The following HS3ST5 variants were observed in gnomAD, a reference collection of about 807,000 sequenced individuals.
HS3ST5 encodes heparan sulfate glucosamine 3-O-sulfotransferase 5.
Under a neutral mutation model 25.4 loss-of-function variants are expected in HS3ST5, and 10 were observed. The observed-to-expected ratio is 0.39, with a 90% CI of 0.24 to 0.67. The LOEUF (loss-of-function observed/expected upper bound fraction) is 0.67. HS3ST5 is among the 30% of genes least tolerant of loss of function. The probability of loss-of-function intolerance (pLI) is 0.44; values close to 1 mark genes in which losing one functional copy is unlikely to be tolerated. For missense variants in HS3ST5, 324 were observed against 420.7 expected (o/e 0.77, Z 2.01); for synonymous variants, 170 against 162.4 (o/e 1.05, Z -0.36).
intron 1 of HS3ST5, among the ~76,000 whole-genome samples, chr6:114,310,536 T>C (rs539262212): frequency 1.3e-5 from 2 of 152,266 alleles, no homozygotes; most frequent in Admixed American, 1.3e-4. Context: ...GCTTTTTTTT[T>C]TTCCTGCTAG....
chr6:114,274,151 G>C (rs752319690), intron 1 of HS3ST5, among the ~76,000 whole-genome samples: 1 of 152,004 alleles, frequency 6.6e-6, no homozygotes, highest in African/African-American at 2.4e-5. Flanking sequence ...GGAGAAGACA[G>C]AGAATGCAGG....
chr6:114,129,241 C>G (rs960051768), intron 3 of HS3ST5, among the ~76,000 whole-genome samples: 4 of 144,594 alleles, frequency 2.8e-5, no homozygotes, highest in African/African-American at 1.0e-4. Context: ...CACACACCTG[C>G]AACAAGAACC....
In HS3ST5 at chr6:114,255,852, T is replaced by G. The variant is rs147636079; in HGVS notation, c.-338-27074A>C. Among the ~76,000 whole-genome samples, 467 of 152,196 alleles carry G rather than the reference T, an allele frequency of 3.1e-3. 5 individuals are homozygous for G. The highest frequency in any genetic ancestry group is 0.011 in the African/African-American group (442 of 41,546). ...ACAAAATCATTTTTTCCTCCTAGCC[T>G]CCAGGCCTGTGCTGGGAGGGGCTGC... On this transcript the variant is annotated intron_variant, in intron 1 of 4. Transcript: ENST00000312719.
intron 2 of HS3ST5, among the ~76,000 whole-genome samples, chr6:114,209,930 T>A (rs972250432): frequency 6.6e-6 from 1 of 152,190 alleles, no homozygotes; most frequent in Non-Finnish European, 1.5e-5. Flanking sequence ...AAGGTGAACT[T>A]TCAATGTATC....
intron 3 of HS3ST5, chr6:114,132,440 C>T (rs1777383898): frequency 6.6e-6 from 1 of 152,162 alleles, no homozygotes; most frequent in South Asian, 2.1e-4. Context: ...GTTTGCATAC[C>T]ATTTGGCTGG....
chr6:114,161,820 A>G (rs573744274), intron 3 of HS3ST5, among the ~76,000 whole-genome samples: 1 of 151,592 alleles, frequency 6.6e-6, no homozygotes, highest in African/African-American at 2.4e-5. Context: ...TAACGTAATT[A>G]TTATACAAAT....
At chr6:114,163,009 G>T (rs1254559747) in intron 3 of HS3ST5, among the ~76,000 whole-genome samples, 1 of 152,092 alleles carries the variant, frequency 6.6e-6, no homozygotes, top group East Asian at 1.9e-4. Flanking sequence ...CCAGCACAAC[G>T]CTATAAAAAT....
At chr6:114,339,377 ATTCAC>A (rs1198207544) in intron 1 of HS3ST5, among the ~76,000 whole-genome samples, 1 of 152,150 alleles carries the variant, frequency 6.6e-6, no homozygotes, top group Non-Finnish European at 1.5e-5. Context: ...ATCAAATAAA[ATTCAC>A]TTCAACTAAA....
At chr6:114,174,125 A>G (rs536600860) in intron 2 of HS3ST5, among the ~76,000 whole-genome samples, 1 of 151,902 alleles carries the variant, frequency 6.6e-6, no homozygotes, top group African/African-American at 2.4e-5. Flanking sequence ...TCATTCATCC[A>G]GAGCTGCTTT....
intron 1 of HS3ST5, among the ~76,000 whole-genome samples, chr6:114,239,587 G>A (rs1241531416): frequency 6.6e-6 from 1 of 152,110 alleles, no homozygotes; most frequent in African/African-American, 2.4e-5. Context: ...TTGAAACTAG[G>A]AGATGAGAAC....
In HS3ST5 at chr6:114,194,270, T is replaced by C. The variant is rs567410353; in HGVS notation, c.-144-25808A>G. Among the ~76,000 whole-genome samples, 39 of 152,262 alleles carry C rather than the reference T, an allele frequency of 2.6e-4. 1 individual carries two copies. In the South Asian group the frequency reaches 7.3e-3, roughly 28 times the overall value. On this transcript the variant is annotated intron_variant, in intron 2 of 4. Transcript: ENST00000312719. ...AAGCTAGCTCCCTTTAGCTGAATAA[T>C]ATTAAATAATTATGATCACTTCGTA...
intron 1 of HS3ST5, among the ~76,000 whole-genome samples, chr6:114,234,974 T>A (rs1399008123): frequency 1.3e-5 from 2 of 152,082 alleles, no homozygotes; most frequent in African/African-American, 4.8e-5. Flanking sequence ...AATATAAAAA[T>A]TAGCCGGGTG....
At chr6:114,211,545 A>G (rs1005062815) in intron 2 of HS3ST5, among the ~76,000 whole-genome samples, 9 of 152,198 alleles carry the variant, frequency 5.9e-5, no homozygotes, top group Non-Finnish European at 1.2e-4. Context: ...CTTTTTAGTA[A>G]CTTTAGGAAT....
At chr6:114,288,377 T>A (rs771292258) in intron 1 of HS3ST5, among the ~76,000 whole-genome samples, 15 of 152,130 alleles carry the variant, frequency 9.9e-5, no homozygotes, top group Non-Finnish European at 1.6e-4. Context: ...GATTATATTA[T>A]ATTTGGATTT....
chr6:114,079,762 A>ATTTCT (rs765701008), intron 3 of HS3ST5, among the ~76,000 whole-genome samples: 8 of 152,036 alleles, frequency 5.3e-5, no homozygotes, highest in Admixed American at 2.6e-4. Flanking sequence ...TATGAAATAT[A>ATTTCT]TTTCTTTTCT....
At chr6:114,231,721 T>C (rs2114538076) in intron 1 of HS3ST5, among the ~76,000 whole-genome samples, 1 of 150,824 alleles carries the variant, frequency 6.6e-6, no homozygotes, top group African/African-American at 2.4e-5. Flanking sequence ...ATTAGGTCAA[T>C]TGGTCTCCAC....
chr6:114,064,737 C>T (rs1408566489), intron 3 of HS3ST5, among the ~76,000 whole-genome samples: 1 of 152,162 alleles, frequency 6.6e-6, no homozygotes, highest in African/African-American at 2.4e-5. Flanking sequence ...TTAATGCATA[C>T]TTACAAATTG....
chr6:114,201,776 TCA>T lies in HS3ST5; in HGVS notation c.-145+26807_-145+26808del, dbSNP rs1192628138. Among the ~76,000 whole-genome samples the T allele has an allele frequency of 2.6e-5, 4 of 152,122 alleles. No individual in the cohort carries two copies. In the East Asian group the frequency reaches 7.7e-4, roughly 29 times the overall value. On this transcript the variant is annotated intron_variant, in intron 2 of 4. Coordinates refer to ENST00000312719, the MANE Select transcript of HS3ST5 (RefSeq NM_153612.4). Reference sequence around the variant, plus strand: ...AAGAGGTAATTTATAAAGGAAAGACTCACAGTTCAGCATGGCTGGGGAGACCT... The same window carrying T: ...AAGAGGTAATTTATAAAGGAAAGACTCAGTTCAGCATGGCTGGGGAGACCT...
intron 2 of HS3ST5, among the ~76,000 whole-genome samples, chr6:114,202,089 C>T (rs1222442917): frequency 6.6e-5 from 10 of 151,980 alleles, no homozygotes; most frequent in Admixed American, 6.6e-4. Context: ...CTTGACCACC[C>T]TATTTAAAAC....
Sources: gnomAD v4.1 joint callset for allele counts (sites outside exome capture counted in the v4.1 genomes callset) on GRCh38, gnomAD v4.1.1 for gene constraint, MANE v1.5 for transcripts, NCBI Gene and HGNC (gene_info 2026-07-23, HGNC 2026-07-21) for gene names.